Variants in ZBTB20 observed in about 807,000 individuals in gnomAD.
ZBTB20 encodes the protein zinc finger and BTB domain containing 20.
In ZBTB20, 9 loss-of-function variants were observed where a neutral mutation model predicts 56.9. That is an observed-to-expected ratio of 0.16 (90% confidence interval 0.10 to 0.28). The LOEUF is 0.28. ZBTB20 is among the 10% of genes least tolerant of loss of function. ZBTB20 has a pLI of 1.00. For missense variants in ZBTB20, 655 were observed against 1,003.0 expected (o/e 0.65, Z 4.69); for synonymous variants, 417 against 420.7 (o/e 0.99, Z 0.11).
chr3:114,744,644 A>G (rs1053994909), intron 5 of ZBTB20, among the ~76,000 whole-genome samples: 1 of 152,150 alleles, frequency 6.6e-6, no homozygotes, highest in African/African-American at 2.4e-5. Context: ...TAATAAGAGG[A>G]AATAACATAA....
intron 3 of ZBTB20, among the ~76,000 whole-genome samples, chr3:114,902,863 G>C (rs565511028): frequency 1.3e-5 from 2 of 152,148 alleles, no homozygotes; most frequent in Non-Finnish European, 2.9e-5. Context: ...ACCAGGGAAA[G>C]AAAAGAAGAT....
At chr3:114,504,854 T>C (rs756888548) in intron 6 of ZBTB20, among the ~76,000 whole-genome samples, 2 of 152,118 alleles carry the variant, frequency 1.3e-5, no homozygotes, top group Non-Finnish European at 2.9e-5. Flanking sequence ...AAAGAGAAAT[T>C]TGAGAAATTA....
intron 6 of ZBTB20, among the ~76,000 whole-genome samples, chr3:114,679,298 C>A (rs2061822349): frequency 6.6e-6 from 1 of 152,112 alleles, no homozygotes; most frequent in South Asian, 2.1e-4. Context: ...TCTAATTAAA[C>A]TAAAGAGCTC....
chr3:114,921,060 A>AT (rs1271742278), intron 3 of ZBTB20, among the ~76,000 whole-genome samples: 2 of 152,232 alleles, frequency 1.3e-5, no homozygotes, highest in African/African-American at 2.4e-5. Flanking sequence ...GAACAGATTA[A>AT]TAGCAAGTAA....
intron 7 of ZBTB20, among the ~76,000 whole-genome samples, chr3:114,462,294 C>T (rs1236940847): frequency 6.6e-6 from 1 of 152,124 alleles, no homozygotes; most frequent in Non-Finnish European, 1.5e-5. Context: ...GGCTGGAAGT[C>T]TGTAGATGTT....
intron 5 of ZBTB20, among the ~76,000 whole-genome samples, chr3:114,748,496 T>A (rs189310074): frequency 6.6e-6 from 1 of 151,936 alleles, no homozygotes; most frequent in African/African-American, 2.4e-5. Flanking sequence ...TTAGAGGTTC[T>A]GACACAAATA....
chr3:114,813,601 A>C lies in ZBTB20; in HGVS notation c.-416-12427T>G, dbSNP rs138393911. ...TCCTGTCTGTACAGAAAATGCAAAA[A>C]TTAGCTGCGCATGGTGGCGCATACC... On this transcript the variant is annotated intron_variant, in intron 4 of 11. Transcript: ENST00000675478. Among the ~76,000 whole-genome samples, 1,357 of 152,290 alleles carry C rather than the reference A, an allele frequency of 8.9e-3. 10 individuals carry two copies. The highest frequency in any genetic ancestry group is 0.015 in the Non-Finnish European group (1,043 of 68,022).
At chr3:114,864,886 C>A (rs78865844) in intron 4 of ZBTB20, among the ~76,000 whole-genome samples, 44 of 152,202 alleles carry the variant, frequency 2.9e-4, no homozygotes, top group African/African-American at 1.1e-3. Flanking sequence ...CTTCTTCAAT[C>A]TGCATATGGA....
intron 1 of ZBTB20, among the ~76,000 whole-genome samples, chr3:115,109,687 C>A (rs538658221): frequency 9.2e-4 from 140 of 152,096 alleles, no homozygotes; most frequent in South Asian, 1.7e-3. Context: ...GAATAACAGA[C>A]TGGTGATATT....
At chr3:115,144,866 T>TCTTC (rs1180052033) in intron 1 of ZBTB20, 1 of 152,240 alleles carries the variant, frequency 6.6e-6, no homozygotes, top group Admixed American at 6.5e-5. Context: ...TGTCACCTGA[T>TCTTC]CTTCATATGC....
chr3:114,618,519 A>G (rs2058093149), intron 6 of ZBTB20, among the ~76,000 whole-genome samples: 1 of 152,078 alleles, frequency 6.6e-6, no homozygotes, highest in Non-Finnish European at 1.5e-5. Flanking sequence ...TGGCCTTTCA[A>G]ACTGCTGGGA....
intron 4 of ZBTB20, among the ~76,000 whole-genome samples, chr3:114,837,943 T>C (rs547604872): frequency 7.2e-5 from 11 of 152,296 alleles, no homozygotes; most frequent in African/African-American, 2.4e-4. Flanking sequence ...ATTAGTTCCA[T>C]TGGACATTTT....
At chr3:114,754,349 AATCAGGAGGACCCC>A (rs1210643847) in intron 5 of ZBTB20, among the ~76,000 whole-genome samples, 1 of 152,182 alleles carries the variant, frequency 6.6e-6, no homozygotes, top group Admixed American at 6.5e-5. Flanking sequence ...AGAGAAATGG[AATCAGGAGGACCCC>A]ATGATACCCT....
intron 2 of ZBTB20, among the ~76,000 whole-genome samples, chr3:115,061,880 C>T (rs1421499633): frequency 6.6e-6 from 1 of 152,102 alleles, no homozygotes; most frequent in African/African-American, 2.4e-5. Context: ...AGTATATCTT[C>T]AATTTTTTTT....
intron 7 of ZBTB20, among the ~76,000 whole-genome samples, chr3:114,482,564 GT>G (rs955261148): frequency 6.6e-6 from 1 of 151,982 alleles, no homozygotes; most frequent in Non-Finnish European, 1.5e-5. Context: ...ATTTTTTGTT[GT>G]TTTTTTGGCA....
intron 7 of ZBTB20, among the ~76,000 whole-genome samples, chr3:114,491,356 T>C (rs72952538): frequency 0.031 from 4,674 of 152,276 alleles, 172 homozygotes; most frequent in East Asian, 0.1. Context: ...AGTCCTACTG[T>C]ATTTCTCTGG....
intron 3 of ZBTB20, among the ~76,000 whole-genome samples, chr3:114,929,609 T>C (rs1237752970): frequency 6.6e-6 from 1 of 152,218 alleles, no homozygotes; most frequent in East Asian, 1.9e-4. Flanking sequence ...AAATTAAACC[T>C]GAAGATAAGG....
intron 1 of ZBTB20, among the ~76,000 whole-genome samples, chr3:115,126,619 C>T (rs1216819797): frequency 6.6e-6 from 1 of 151,942 alleles, no homozygotes; most frequent in African/African-American, 2.4e-5. Flanking sequence ...ATACAGCAGG[C>T]TATTAATGAG....
chr3:115,109,965 T>C (rs1274742511), intron 1 of ZBTB20, among the ~76,000 whole-genome samples: 8 of 152,232 alleles, frequency 5.3e-5, no homozygotes, highest in African/African-American at 1.9e-4. Context: ...ATCCCAGCAC[T>C]TTGGGAGGCC....
Sources: allele counts gnomAD v4.1 joint callset (sites outside exome capture counted in the v4.1 genomes callset), GRCh38; gene constraint gnomAD v4.1.1; transcripts MANE v1.5; gene names NCBI Gene and HGNC (gene_info 2026-07-23, HGNC 2026-07-21).